SNTG1: variants seen among roughly 807,000 people sequenced by gnomAD.
SNTG1 encodes syntrophin gamma 1, also known as gamma-1-syntrophin.
In SNTG1, 39 loss-of-function variants were observed where a neutral mutation model predicts 74.7. The observed-to-expected ratio is 0.52, with a 90% CI of 0.40 to 0.68. The LOEUF (loss-of-function observed/expected upper bound fraction) is 0.68. Ranked by LOEUF, SNTG1 falls within the 30% of genes least tolerant of loss-of-function variation. The pLI is 0.00. For synonymous variants in SNTG1, 254 were observed against 217.1 expected, an observed-to-expected ratio of 1.17 and a Z score of -1.49; for missense variants, 685 against 609.5, an observed-to-expected ratio of 1.12 and a Z score of -1.30.
chr8:50,689,392 G>A (rs1223985219), intron 15 of SNTG1, among the ~76,000 whole-genome samples: 1 of 152,056 alleles, frequency 6.6e-6, no homozygotes, highest in Non-Finnish European at 1.5e-5. Context: ...GTTTGTCATA[G>A]ATAGCTCTTA....
intron 1 of SNTG1, among the ~76,000 whole-genome samples, chr8:49,983,080 G>A (rs1165009557): frequency 1.3e-5 from 2 of 152,182 alleles, no homozygotes; most frequent in African/African-American, 2.4e-5. Flanking sequence ...GCTTCAGGAA[G>A]AGGGGGATTT....
intron 17 of SNTG1, among the ~76,000 whole-genome samples, chr8:50,728,948 C>G (rs2095506466): frequency 6.6e-6 from 1 of 152,316 alleles, no homozygotes. Context: ...GGAGCATTTT[C>G]TCCTCACTTA....
At chr8:50,658,834 T>A (rs1437773056) in intron 15 of SNTG1, among the ~76,000 whole-genome samples, 171 bp downstream of exon 15, 1 of 152,130 alleles carries the variant, frequency 6.6e-6, no homozygotes, top group Non-Finnish European at 1.5e-5. Flanking sequence ...AAATATAGAA[T>A]GCACAGAAGT....
At chr8:50,542,872 G>A (rs571990654) in intron 11 of SNTG1, among the ~76,000 whole-genome samples, 6 of 152,180 alleles carry the variant, frequency 3.9e-5, no homozygotes, top group Non-Finnish European at 8.8e-5. Flanking sequence ...TATACCTGTT[G>A]ACCATACGTA....
At chr8:50,454,901 C>T (rs924357510) in intron 8 of SNTG1, among the ~76,000 whole-genome samples, 11 of 147,582 alleles carry the variant, frequency 7.5e-5, no homozygotes, top group African/African-American at 2.7e-4. Flanking sequence ...TGAGTACTTT[C>T]TGAGGCTGAG....
Position 50,716,158 on chromosome 8 carries a change from A to G in SNTG1, c.1284+7180A>G, listed in dbSNP as rs931077395. On this transcript the variant is annotated intron_variant, in intron 17 of 18. Transcript: ENST00000642720. ...TATATAAAGCATTTATATGATCATA[A>G]TATGAATTCCATAGCTTAAACTTCT... Among the ~76,000 whole-genome samples, 9 of 152,286 alleles carry G rather than the reference A, an allele frequency of 5.9e-5. No homozygotes were observed. The East Asian group carries it at 1.7e-3, about 29-fold the overall frequency.
intron 1 of SNTG1, among the ~76,000 whole-genome samples, chr8:49,952,383 A>G (rs1034044837): frequency 6.6e-6 from 1 of 152,076 alleles, no homozygotes; most frequent in Non-Finnish European, 1.5e-5. Context: ...GAGAGGCATA[A>G]ACCATGGTGA....
rs542123551 is a variant in SNTG1 at position 50,402,414 on chromosome 8, G to C, written c.162+70G>C. On this transcript the variant is annotated intron_variant, in intron 4 of 18. Coordinates refer to ENST00000642720, the MANE Select transcript of SNTG1 (RefSeq NM_018967.5). ...TGTTAATAAAAATGTTTATTCACAG[G>C]GCATTTTAAATATGTTTTTCTTTCA... 2.9e-5 allele frequency: 43 copies of C among 1,493,570 alleles called. No individual in the cohort carries two copies. The African/African-American group carries it at 4.4e-4, about 15-fold the overall frequency. The allele number at this position is 1,493,570 out of a possible 1,614,324, so 92.5% of individuals were successfully genotyped here. A position where few individuals can be genotyped will look rare whatever the true frequency, so the allele number is the denominator to read the frequency against.
At chr8:50,580,162 A>T (rs137903877) in intron 12 of SNTG1, among the ~76,000 whole-genome samples, 98 of 152,348 alleles carry the variant, frequency 6.4e-4, no homozygotes, top group African/African-American at 2.1e-3. Flanking sequence ...TTAAAGTTTA[A>T]CAACTGCCCT....
chr8:50,260,763 A>G (rs1466534418), intron 2 of SNTG1, among the ~76,000 whole-genome samples: 1 of 148,356 alleles, frequency 6.7e-6, no homozygotes, highest in Non-Finnish European at 1.5e-5. Flanking sequence ...AAAAAAAACA[A>G]TTAAAAAGAA....
At chr8:50,398,632 G>A (rs1286278476) in intron 3 of SNTG1, among the ~76,000 whole-genome samples, 1 of 151,924 alleles carries the variant, frequency 6.6e-6, no homozygotes, top group African/African-American at 2.4e-5. Flanking sequence ...ATGTACTTTC[G>A]AAGTAAATAC....
At chr8:50,673,050 A>C (rs1287999456) in intron 15 of SNTG1, among the ~76,000 whole-genome samples, 2 of 151,270 alleles carry the variant, frequency 1.3e-5, no homozygotes, top group Non-Finnish European at 3.0e-5. Flanking sequence ...CTGTTTTGAT[A>C]CCAGTACCAT....
chr8:49,965,642 A>C (rs1330797226), intron 1 of SNTG1, among the ~76,000 whole-genome samples: 2 of 152,142 alleles, frequency 1.3e-5, no homozygotes, highest in Non-Finnish European at 2.9e-5. Context: ...ATGCGCCTTG[A>C]TTGCTCCAAC....
At chr8:50,231,692 A>T (rs1419826736) in intron 2 of SNTG1, among the ~76,000 whole-genome samples, 1 of 151,360 alleles carries the variant, frequency 6.6e-6, no homozygotes, top group Non-Finnish European at 1.5e-5. Flanking sequence ...AATAGAATAG[A>T]AAGGTGGTTA....
intron 8 of SNTG1, among the ~76,000 whole-genome samples, chr8:50,455,287 C>CT (rs1485344771): frequency 6.6e-6 from 1 of 152,082 alleles, no homozygotes; most frequent in East Asian, 1.9e-4. Flanking sequence ...CAGAGGTTTC[C>CT]TTTTAAAGTA....
chr8:50,400,294 G>A (rs1407408660), intron 3 of SNTG1, among the ~76,000 whole-genome samples: 20 of 152,082 alleles, frequency 1.3e-4, no homozygotes, highest in Admixed American at 1.3e-3. Context: ...TTTTTACTTT[G>A]CAAAGTATCC....
intron 8 of SNTG1, chr8:50,457,158 T>A (rs2093514146): frequency 6.6e-6 from 1 of 152,198 alleles, no homozygotes; most frequent in African/African-American, 2.4e-5. Flanking sequence ...TTTTCTCATC[T>A]GAAGGATTAA....
intron 2 of SNTG1, among the ~76,000 whole-genome samples, chr8:50,285,124 T>A (rs2088695561): frequency 6.6e-6 from 1 of 152,048 alleles, no homozygotes; most frequent in Non-Finnish European, 1.5e-5. Context: ...GCACCCTTGG[T>A]CTATGCAATC....
intron 1 of SNTG1, among the ~76,000 whole-genome samples, chr8:50,134,832 A>G (rs1388243589): frequency 6.6e-6 from 1 of 152,186 alleles, no homozygotes; most frequent in African/African-American, 2.4e-5. Flanking sequence ...ACAGGAGACT[A>G]GAATGATCCC....
Sources: gnomAD v4.1 joint callset for allele counts (sites outside exome capture counted in the v4.1 genomes callset) on GRCh38, gnomAD v4.1.1 for gene constraint, MANE v1.5 for transcripts, NCBI Gene and HGNC (gene_info 2026-07-23, HGNC 2026-07-21) for gene names.